Variants in SATB2 observed in about 807,000 individuals in gnomAD.
SATB2 encodes the protein SATB homeobox 2.
Under a neutral mutation model 73.4 loss-of-function variants are expected in SATB2, and 1 was observed. The ratio of observed to expected loss-of-function variants is 0.01; its 90% CI spans 0.00 to 0.06. The LOEUF (loss-of-function observed/expected upper bound fraction) is 0.06, where lower values mean the gene tolerates loss of function less well. SATB2 is among the 10% of genes least tolerant of loss of function. The pLI is 1.00. For synonymous variants in SATB2, 397 were observed against 367.0 expected (o/e 1.08, Z -0.93); for missense variants, 459 against 945.8 (o/e 0.49, Z 6.75).
chr2:199,440,095 G>T (rs1365895608), intron 2 of SATB2, among the ~76,000 whole-genome samples: 4 of 152,074 alleles, frequency 2.6e-5, no homozygotes, highest in African/African-American at 9.7e-5. Context: ...AACAGAAAGA[G>T]ACTCTGCCTC....
intron 10 of SATB2, among the ~76,000 whole-genome samples, chr2:199,299,009 C>T (rs1439324091): frequency 6.6e-6 from 1 of 152,170 alleles, no homozygotes; most frequent in African/African-American, 2.4e-5. Flanking sequence ...CCAAGGACCA[C>T]AGCTTTATTA....
intron 2 of SATB2, among the ~76,000 whole-genome samples, chr2:199,451,091 A>AACACACACAC (rs56071011): frequency 1.0e-4 from 14 of 139,296 alleles, no homozygotes; most frequent in Middle Eastern, 3.6e-3. Flanking sequence ...ATGTAGTTCC[A>AACACACACAC]ACACACACAC....
chr2:199,394,437 T>G (rs1188812457), intron 3 of SATB2, among the ~76,000 whole-genome samples: 1 of 152,138 alleles, frequency 6.6e-6, no homozygotes, highest in African/African-American at 2.4e-5. Flanking sequence ...GTAAGAAAGA[T>G]AAGAAGATGG....
At chr2:199,419,432 A>G (rs1427298087) in intron 3 of SATB2, among the ~76,000 whole-genome samples, 1 of 152,226 alleles carries the variant, frequency 6.6e-6, no homozygotes, top group Non-Finnish European at 1.5e-5. Flanking sequence ...AAAACAACTT[A>G]TTTCTAAGGA....
chr2:199,274,902 A>G (rs1325420810), intron 10 of SATB2, among the ~76,000 whole-genome samples: 1 of 152,118 alleles, frequency 6.6e-6, no homozygotes, highest in Non-Finnish European at 1.5e-5. Context: ...CTCTGAGGCC[A>G]TGATCTGGGC....
In SATB2 at chr2:199,381,875, C is replaced by T. The variant is rs865905917; in HGVS notation, c.347-55G>A. 5.0e-5 allele frequency: 79 copies of T among 1,592,908 alleles called. No homozygotes were observed. The Middle Eastern group carries it at 1.2e-3, about 24-fold the overall frequency. On this transcript the variant is annotated intron_variant, in intron 3 of 10. Transcript: ENST00000417098. ...CATATCTGCTATTTATTAAACCTTC[C>T]CATTGTTTGTTCAATGTTAAGAAGG...
At chr2:199,313,071 T>C (rs1687638662) in intron 9 of SATB2, among the ~76,000 whole-genome samples, 1 of 152,078 alleles carries the variant, frequency 6.6e-6, no homozygotes, top group African/African-American at 2.4e-5. Context: ...TAGAATAAGG[T>C]TTTTGTTTAG....
chr2:199,442,053 T>C (rs1691830999), intron 2 of SATB2, among the ~76,000 whole-genome samples: 1 of 152,174 alleles, frequency 6.6e-6, no homozygotes. Flanking sequence ...TCCTCAAACA[T>C]GGGCTGGACT....
At chr2:199,350,186 G>T (rs1688773384) in intron 6 of SATB2, among the ~76,000 whole-genome samples, 1 of 152,038 alleles carries the variant, frequency 6.6e-6, no homozygotes, top group Non-Finnish European at 1.5e-5. Context: ...TGCAAATGCT[G>T]GATATGACTA....
At chr2:199,454,935 T>C (rs1692230802) in intron 2 of SATB2, among the ~76,000 whole-genome samples, 1 of 152,134 alleles carries the variant, frequency 6.6e-6, no homozygotes, top group Admixed American at 6.5e-5. Context: ...GTTGAAATTA[T>C]TAGAGAAAAA....
intron 2 of SATB2, among the ~76,000 whole-genome samples, chr2:199,436,424 T>TAAAAA (rs200573943): frequency 7.3e-5 from 11 of 149,920 alleles, no homozygotes; most frequent in East Asian, 5.8e-4. Context: ...ATCATCTATT[T>TAAAAA]AAAAAAAAAC....
intron 8 of SATB2, among the ~76,000 whole-genome samples, chr2:199,324,836 AT>A (rs1687987242): frequency 6.6e-6 from 1 of 152,174 alleles, no homozygotes; most frequent in Non-Finnish European, 1.5e-5. Flanking sequence ...TGGCAGCAAG[AT>A]TTCAGGAAAA....
At position 199,380,499 on chromosome 2, in the gene SATB2, A is replaced by G; in HGVS notation, c.474-12T>C. The G allele has an allele frequency of 6.2e-7, 1 of 1,611,672 alleles. No homozygotes were observed. The highest frequency in any genetic ancestry group is 8.5e-7 in the Non-Finnish European group (1 of 1,179,930). On this transcript the variant is annotated splice_polypyrimidine_tract_variant and intron_variant, in intron 4 of 10. Transcript: ENST00000417098. ...CCAACTTTGAACAACTGCAAAACAG[A>G]GCAATAATGAACAATACACAAACCT...
chr2:199,304,954 T>C (rs1257493525), intron 10 of SATB2, among the ~76,000 whole-genome samples: 1 of 152,160 alleles, frequency 6.6e-6, no homozygotes, highest in African/African-American at 2.4e-5. Flanking sequence ...TTGCTTCATC[T>C]CTGAAGAGAA....
intron 3 of SATB2, among the ~76,000 whole-genome samples, chr2:199,403,489 T>C (rs990724016): frequency 6.6e-6 from 1 of 152,168 alleles, no homozygotes; most frequent in Non-Finnish European, 1.5e-5. Context: ...AGAAATATCT[T>C]GGGTCACAGG....
intron 6 of SATB2, among the ~76,000 whole-genome samples, chr2:199,356,244 A>AG (rs927231462): frequency 2.0e-4 from 31 of 151,434 alleles, no homozygotes; most frequent in Non-Finnish European, 3.4e-4. Flanking sequence ...AAAAAAAAAA[A>AG]AAAGAAAGAA....
chr2:199,349,232 A>G lies in SATB2; in HGVS notation c.701-59T>C, dbSNP rs1688744052. ...TTTTCATTGGTACAATTTATTGCTA[A>G]TATATGTAGAACTGAATTATCATAC... On this transcript the variant is annotated intron_variant, in intron 6 of 10. Transcript: ENST00000417098. 62 of 1,267,972 alleles carry G rather than the reference A, an allele frequency of 4.9e-5. 1 individual carries two copies. The South Asian group carries it at 7.3e-4, about 15-fold the overall frequency. The allele number at this position is 1,267,972 out of a possible 1,614,324, so 78.5% of individuals were successfully genotyped here.
At chr2:199,338,933 A>AAAG (rs1559169851) in intron 7 of SATB2, among the ~76,000 whole-genome samples, 18 of 150,134 alleles carry the variant, frequency 1.2e-4, no homozygotes, top group Non-Finnish European at 2.4e-4. Context: ...AAAAAAAAAA[A>AAAG]AAAGAAAGAA....
chr2:199,467,248 C>A (rs1692611974), upstream of SATB2, among the ~76,000 whole-genome samples: 1 of 152,258 alleles, frequency 6.6e-6, no homozygotes, highest in South Asian at 2.1e-4. Context: ...ATAACTTCTG[C>A]GGATTCGGCT....
Sources: allele counts gnomAD v4.1 joint callset (sites outside exome capture counted in the v4.1 genomes callset), GRCh38; gene constraint gnomAD v4.1.1; transcripts MANE v1.5; gene names NCBI Gene and HGNC (gene_info 2026-07-23, HGNC 2026-07-21).